Variants in PACRG observed in about 807,000 individuals in gnomAD.
The protein encoded by PACRG is parkin coregulated, also known as parkin coregulated gene protein.
In PACRG, 29 loss-of-function variants were observed where a neutral mutation model predicts 29.7. The ratio of observed to expected loss-of-function variants is 0.98; its 90% CI spans 0.73 to 1.33. The LOEUF (loss-of-function observed/expected upper bound fraction) is 1.33. Among genes scored for constraint, PACRG ranks in the 40% most tolerant of loss-of-function variants. PACRG has a pLI of 0.00. For missense variants in PACRG, 279 were observed against 316.2 expected (o/e 0.88, Z 0.89); for synonymous variants, 116 against 118.7 (o/e 0.98, Z 0.15).
At chr6:162,989,959 A>G (rs545107143) in intron 2 of PACRG, among the ~76,000 whole-genome samples, 17 of 151,686 alleles carry the variant, frequency 1.1e-4, no homozygotes, top group African/African-American at 3.4e-4. Flanking sequence ...TCATTGTTCA[A>G]TTCCCACCTA....
intron 4 of PACRG, among the ~76,000 whole-genome samples, chr6:163,231,074 C>G (rs1328902187): frequency 6.6e-6 from 1 of 152,204 alleles, no homozygotes; most frequent in Admixed American, 6.5e-5. Flanking sequence ...AAAGTGGAGA[C>G]CCCAAACAGG....
chr6:162,826,466 C>CTTTTTTTTTTTTTT (rs576332156), intron 2 of PACRG, among the ~76,000 whole-genome samples: 7 of 138,720 alleles, frequency 5.0e-5, no homozygotes, highest in Non-Finnish European at 6.3e-5. Flanking sequence ...TTTCTTTTTT[C>CTTTTTTTTTTTTTT]TTTTTTTTTT....
At position 162,788,560 on chromosome 6, in the gene PACRG, A is replaced by G. The variant is rs148393044; in HGVS notation, c.157-25587A>G. Among the ~76,000 whole-genome samples the G allele has an allele frequency of 2.7e-3, 413 of 152,312 alleles. 1 individual carries two copies. Among genetic ancestry groups the G allele is most frequent in the Non-Finnish European group, 4.7e-3 (320 of 68,006 alleles). ...TGATTGCTGGATGATAGGGAACAGT[A>G]TGTTTAGTTTTGTAAGAAACTTGCA... is the stretch of plus-strand genomic sequence containing the variant. On this transcript the variant is annotated intron_variant, in intron 1 of 4. Transcript: ENST00000366888.
intron 1 of PACRG, among the ~76,000 whole-genome samples, chr6:162,796,520 T>TA (rs957156305): frequency 9.9e-5 from 15 of 152,156 alleles, no homozygotes; most frequent in Admixed American, 6.5e-5. Flanking sequence ...CCTTATTTTT[T>TA]ATGATAGCTA....
intron 2 of PACRG, among the ~76,000 whole-genome samples, chr6:163,037,591 C>T (rs746656738): frequency 6.6e-6 from 1 of 152,366 alleles, no homozygotes; most frequent in Non-Finnish European, 1.5e-5. Flanking sequence ...CACTGTCAGG[C>T]TCTGCTGTGA....
At chr6:163,084,759 C>T (rs1813390380) in intron 3 of PACRG, among the ~76,000 whole-genome samples, 1 of 145,074 alleles carries the variant, frequency 6.9e-6, no homozygotes, top group South Asian at 2.3e-4. Flanking sequence ...TTAATGCATG[C>T]CCAAATGATC....
intron 1 of PACRG, among the ~76,000 whole-genome samples, chr6:162,765,956 T>A (rs1277134323): frequency 2.0e-5 from 3 of 152,216 alleles, no homozygotes; most frequent in Non-Finnish European, 4.4e-5. Flanking sequence ...ACAAATAATA[T>A]TTGTGTATAC....
chr6:163,114,422 T>C (rs74734438), intron 4 of PACRG, among the ~76,000 whole-genome samples: 2,824 of 152,176 alleles, frequency 0.019, 95 homozygotes, highest in African/African-American at 0.065. Flanking sequence ...CTATAGAATA[T>C]TTACAAAAAG....
chr6:162,904,658 T>C (rs1795805179), intron 2 of PACRG, among the ~76,000 whole-genome samples: 1 of 152,228 alleles, frequency 6.6e-6, no homozygotes, highest in Admixed American at 6.5e-5. Flanking sequence ...ATCCATTCAG[T>C]CATTTTTTCA....
intron 2 of PACRG, among the ~76,000 whole-genome samples, chr6:162,931,219 CTTCT>C (rs1467049532): frequency 6.6e-6 from 1 of 151,788 alleles, no homozygotes; most frequent in Non-Finnish European, 1.5e-5. Flanking sequence ...CTGGATTCAA[CTTCT>C]TTATCAGATG....
rs1055284128 is a variant in PACRG at position 162,967,667 on chromosome 6, C to T, written c.292-94483C>T. ...GACTACAGGCGCCTGCCACCACGCC[C>T]GGCTAATTTTTTTGTATTTTTTGTA... On this transcript the variant is annotated intron_variant, in intron 2 of 4. Coordinates refer to ENST00000366888, the MANE Select transcript of PACRG (RefSeq NM_001080379.2). 1.7e-3 allele frequency among the ~76,000 whole-genome samples: 256 copies of T among 152,012 alleles called. 3 individuals are homozygous for T. The highest frequency in any genetic ancestry group is 9.0e-4 in the Non-Finnish European group (61 of 67,942).
intron 2 of PACRG, among the ~76,000 whole-genome samples, chr6:162,841,725 G>A (rs1243621478): frequency 1.4e-4 from 21 of 149,010 alleles, no homozygotes; most frequent in Non-Finnish European, 1.9e-4. Flanking sequence ...TTTCTCTTGT[G>A]GGCATTTAGT....
intron 4 of PACRG, among the ~76,000 whole-genome samples, chr6:163,305,877 G>T (rs962639457): frequency 6.6e-6 from 1 of 152,222 alleles, no homozygotes; most frequent in Non-Finnish European, 1.5e-5. Context: ...GAACCTCTCT[G>T]CTGATGATAC....
At chr6:162,999,707 C>A (rs1804409179) in intron 2 of PACRG, among the ~76,000 whole-genome samples, 1 of 152,192 alleles carries the variant, frequency 6.6e-6, no homozygotes, top group Non-Finnish European at 1.5e-5. Flanking sequence ...GAAGTCTGTT[C>A]TTCCCAGGCA....
At chr6:163,241,125 A>G (rs1010782174) in intron 4 of PACRG, among the ~76,000 whole-genome samples, 2 of 152,188 alleles carry the variant, frequency 1.3e-5, no homozygotes, top group African/African-American at 4.8e-5. Context: ...TCCTAGTGAA[A>G]GATAAGATTT....
chr6:162,827,506 T>C (rs984496666), intron 2 of PACRG, among the ~76,000 whole-genome samples: 2 of 152,180 alleles, frequency 1.3e-5, no homozygotes, highest in Non-Finnish European at 2.9e-5. Context: ...TGTAGATCAA[T>C]TTGCACAAAT....
intron 2 of PACRG, among the ~76,000 whole-genome samples, chr6:162,887,951 G>A (rs527600833): frequency 2.6e-5 from 4 of 152,242 alleles, no homozygotes; most frequent in South Asian, 2.1e-4. Context: ...TATTTCTCCC[G>A]GTTCTGGGGG....
intron 2 of PACRG, among the ~76,000 whole-genome samples, chr6:163,030,545 G>A (rs1807563222): frequency 6.6e-6 from 1 of 152,110 alleles, no homozygotes; most frequent in Non-Finnish European, 1.5e-5. Flanking sequence ...CCCCAAGAGA[G>A]GGTTCTTGGA....
At chr6:163,226,597 A>C (rs997317452) in intron 4 of PACRG, among the ~76,000 whole-genome samples, 14 of 152,346 alleles carry the variant, frequency 9.2e-5, no homozygotes, top group Admixed American at 9.1e-4. Context: ...CTTGAGGCCA[A>C]GGGGCTGGGG....
Sources: allele counts gnomAD v4.1 joint callset (sites outside exome capture counted in the v4.1 genomes callset), GRCh38; gene constraint gnomAD v4.1.1; transcripts MANE v1.5; gene names NCBI Gene and HGNC (gene_info 2026-07-23, HGNC 2026-07-21).